PPP4R3B: variants seen among roughly 807,000 people sequenced by gnomAD.
PPP4R3B encodes serine/threonine-protein phosphatase 4 regulatory subunit 3B.
PPP4R3B carries 52 observed loss-of-function variants against 95.4 expected under a neutral mutation model. The ratio of observed to expected loss-of-function variants is 0.54; its 90% CI spans 0.44 to 0.69. The LOEUF is 0.69. PPP4R3B is among the 30% of genes least tolerant of loss of function. The pLI, the probability that PPP4R3B is intolerant of heterozygous loss-of-function variation, is 0.00. For missense variants in PPP4R3B, 1,003 were observed against 1,005.9 expected (o/e 1.00, Z 0.04); for synonymous variants, 407 against 343.9 (o/e 1.18, Z -2.03).
rs934499276 is a variant in PPP4R3B, at chr2:55,577,201, A to G, written c.1606+114T>C. On this transcript the variant is annotated intron_variant, in intron 11 of 16. Transcript: ENST00000616407. ...ATTACAAAAGTAAATTTCTTCTTGG[A>G]TTTTGTTTTTATGCCAAAATATGCT... 10 of 1,299,106 alleles carry G rather than the reference A, an allele frequency of 7.7e-6. No individual in the cohort carries two copies. The East Asian group carries it at 3.1e-4, about 40-fold the overall frequency. 80.5% of individuals were successfully genotyped at this position (1,299,106 alleles called of 1,614,324 possible). A position where few individuals can be genotyped will look rare whatever the true frequency, so the allele number is the denominator to read the frequency against.
chr2:55,586,809 G>T, intron 5 of PPP4R3B, 75 bp from the exon 6 acceptor site: 1 of 824,930 alleles, frequency 1.2e-6, no homozygotes, highest in Non-Finnish European at 1.9e-6. Context: ...ATCTACCATG[G>T]TGTGGTATTC....
At chr2:55,579,631 T>G in intron 9 of PPP4R3B, 48 bp downstream of exon 9, 3 of 1,322,390 alleles carry the variant, frequency 2.3e-6, no homozygotes, top group Non-Finnish European at 3.1e-6. Flanking sequence ...ATTTATCTCA[T>G]CCTTCTTTAA....
rs748706839 is a variant in PPP4R3B, at chr2:55,581,705, G to GCAAAA, written c.1234-12_1234-8dup. On this transcript the variant is annotated splice_region_variant and splice_polypyrimidine_tract_variant and intron_variant, in intron 7 of 16. Transcript: ENST00000616407. ...CATTAATAAGAAGAATATCCTGGTG[G>GCAAAA]CAAAACAAAACAAAACAAAACATGT... The GCAAAA allele has an allele frequency of 1.0e-4, 160 of 1,607,778 alleles. No individual in the cohort carries two copies. Among genetic ancestry groups the GCAAAA allele is most frequent in the Admixed American group, 1.2e-4 (7 of 59,186 alleles).
chr2:55,553,126 A>G (rs1685437238), intron 16 of PPP4R3B, among the ~76,000 whole-genome samples: 1 of 152,248 alleles, frequency 6.6e-6, no homozygotes, highest in East Asian at 1.9e-4. Flanking sequence ...TCTATAGAGA[A>G]TGTAATGAAC....
intron 4 of PPP4R3B, among the ~76,000 whole-genome samples, chr2:55,597,028 T>C (rs548809249): frequency 8.6e-5 from 13 of 151,836 alleles, no homozygotes; most frequent in African/African-American, 3.1e-4. Flanking sequence ...TCATAAAGAG[T>C]AGAATAGTGG....
At chr2:55,601,339 G>A (rs369802264) in intron 3 of PPP4R3B, among the ~76,000 whole-genome samples, 3 of 151,482 alleles carry the variant, frequency 2.0e-5, no homozygotes, top group South Asian at 4.2e-4. Flanking sequence ...TCTGGGAGAC[G>A]TTTTGTCATA....
chr2:55,552,785 A>G (rs945869774), intron 16 of PPP4R3B, among the ~76,000 whole-genome samples: 1 of 152,200 alleles, frequency 6.6e-6, no homozygotes, highest in Admixed American at 6.5e-5. Flanking sequence ...AAAACAGGAG[A>G]AGAGAGAACA....
At chr2:55,589,085 G>C (rs1216285955) in intron 4 of PPP4R3B, 129 bp from the exon 5 acceptor site, 2 of 580,570 alleles carry the variant, frequency 3.4e-6, no homozygotes, top group African/African-American at 3.7e-5. Context: ...AATATTCTGG[G>C]GTGTATTTCT....
intron 11 of PPP4R3B, among the ~76,000 whole-genome samples, chr2:55,576,083 A>T (rs566319287): frequency 2.6e-5 from 4 of 152,206 alleles, no homozygotes; most frequent in Non-Finnish European, 4.4e-5. Flanking sequence ...GCAGTGGCTC[A>T]TGCCTGTAAT....
chr2:55,564,790 T>C, intron 14 of PPP4R3B, 112 bp downstream of exon 14: 3 of 1,284,120 alleles, frequency 2.3e-6, no homozygotes, highest in Non-Finnish European at 3.3e-6. Context: ...AACTCTATGC[T>C]ATCCAGTGAT....
intron 14 of PPP4R3B, 138 bp from the exon 15 acceptor site, chr2:55,564,635 A>C (rs907067246): frequency 5.0e-6 from 4 of 802,284 alleles, no homozygotes; most frequent in Non-Finnish European, 7.5e-6. Context: ...AATCTCTGTA[A>C]TGATAGAAGA....
chr2:55,584,913 C>T, intron 7 of PPP4R3B, 138 bp downstream of exon 7: 1 of 690,784 alleles, frequency 1.4e-6, no homozygotes, highest in South Asian at 2.1e-5. Context: ...CTAATTTGGC[C>T]AAAGTCACAA....
At chr2:55,594,304 A>G (rs1021151479) in intron 4 of PPP4R3B, among the ~76,000 whole-genome samples, 1 of 19,722 alleles carries the variant, frequency 5.1e-5, no homozygotes, top group African/African-American at 1.1e-4. Flanking sequence ...ATCTAAAATA[A>G]AAAAAAAAAA....
At chr2:55,590,130 C>T (rs537481376) in intron 4 of PPP4R3B, among the ~76,000 whole-genome samples, 153 of 150,756 alleles carry the variant, frequency 1.0e-3, no homozygotes, top group African/African-American at 3.6e-3. Flanking sequence ...AAGTTCCAGA[C>T]CAGCTTGACC....
In PPP4R3B at chr2:55,615,436, T is replaced by A. The variant is rs764750634; in HGVS notation, c.198+15A>T. ...CAGATGAAGTCTTTCAAATTAAAGA[T>A]AAACAACTACTTGCCTGTTGTTTCT... On this transcript the variant is annotated intron_variant, in intron 2 of 16. Transcript: ENST00000616407. The A allele has an allele frequency of 6.4e-7, 1 of 1,566,956 alleles. No homozygotes were observed. The highest frequency in any genetic ancestry group is 8.7e-7 in the Non-Finnish European group (1 of 1,146,046).
At chr2:55,573,828 A>C in intron 11 of PPP4R3B, 51 bp from the exon 12 acceptor site, 1 of 1,202,308 alleles carries the variant, frequency 8.3e-7, no homozygotes, top group Non-Finnish European at 1.1e-6. Flanking sequence ...TATCTAAATA[A>C]AGAATAAATA....
At chr2:55,590,759 T>G (rs147234049) in intron 4 of PPP4R3B, among the ~76,000 whole-genome samples, 2 of 152,350 alleles carry the variant, frequency 1.3e-5, no homozygotes, top group East Asian at 3.9e-4. Context: ...CCCTAACATT[T>G]AAAGGATACA....
intron 2 of PPP4R3B, among the ~76,000 whole-genome samples, chr2:55,607,850 C>T (rs763987080): frequency 1.4e-4 from 21 of 152,168 alleles, no homozygotes; most frequent in Non-Finnish European, 2.9e-4. Flanking sequence ...ATATTACTAA[C>T]AGAATGAAAT....
At chr2:55,550,464 T>A (rs756423923) in intron 16 of PPP4R3B, among the ~76,000 whole-genome samples, 2 of 152,194 alleles carry the variant, frequency 1.3e-5, no homozygotes, top group African/African-American at 2.4e-5. Context: ...AAGTACAGCT[T>A]AAATGGCTGG....
Sources: allele counts gnomAD v4.1 joint callset (sites outside exome capture counted in the v4.1 genomes callset), GRCh38; gene constraint gnomAD v4.1.1; transcripts MANE v1.5; gene names NCBI Gene and HGNC (gene_info 2026-07-23, HGNC 2026-07-21).